ULK4: variants seen among roughly 807,000 people sequenced by gnomAD.
ULK4 encodes unc-51 like kinase 4, also known as inactive serine/threonine-protein kinase ULK4.
A neutral mutation model predicts 160.6 loss-of-function variants in ULK4; 133 were observed. The observed-to-expected ratio is 0.83, with a 90% CI of 0.72 to 0.96. ULK4 has a LOEUF of 0.96. ULK4 is among the 40% of genes least tolerant of loss of function. The pLI, the probability that ULK4 is intolerant of heterozygous loss-of-function variation, is 0.00. For synonymous variants in ULK4, 534 were observed against 539.8 expected, an observed-to-expected ratio of 0.99 and a Z score of 0.15; for missense variants, 1,580 against 1,499.5, an observed-to-expected ratio of 1.05 and a Z score of -0.89.
chr3:41,640,670 G>C (rs77630002), intron 30 of ULK4, among the ~76,000 whole-genome samples: 1 of 152,060 alleles, frequency 6.6e-6, no homozygotes, highest in South Asian at 2.1e-4. Context: ...ATAAAATATG[G>C]CCAAAGGCAT....
chr3:41,483,125 T>C (rs2084385913), intron 32 of ULK4, among the ~76,000 whole-genome samples: 1 of 152,216 alleles, frequency 6.6e-6, no homozygotes, highest in South Asian at 2.1e-4. Context: ...TTCTCTTTTT[T>C]TTGTACCTGT....
chr3:41,624,285 C>T (rs1198573057), intron 30 of ULK4, among the ~76,000 whole-genome samples: 1 of 152,182 alleles, frequency 6.6e-6, no homozygotes, highest in Non-Finnish European at 1.5e-5. Context: ...AATAACCAAG[C>T]ACATACATCT....
At chr3:41,318,159 A>G (rs1304347481) in intron 35 of ULK4, among the ~76,000 whole-genome samples, 1 of 152,236 alleles carries the variant, frequency 6.6e-6, no homozygotes, top group Non-Finnish European at 1.5e-5. Context: ...AAGATAGAAA[A>G]AATGACTTTC....
chr3:41,647,848 C>T (rs1397199797), intron 30 of ULK4, among the ~76,000 whole-genome samples: 1 of 152,228 alleles, frequency 6.6e-6, no homozygotes, highest in Non-Finnish European at 1.5e-5. Flanking sequence ...GTGGGCTCCA[C>T]CCAGTTTGAG....
chr3:41,463,032 G>A, intron 33 of ULK4, 55 bp downstream of exon 33: 1 of 1,555,964 alleles, frequency 6.4e-7, no homozygotes, highest in Non-Finnish European at 8.8e-7. Flanking sequence ...GAGAATGAAA[G>A]GGAAGCATGA....
chr3:41,641,579 T>C lies in ULK4; in HGVS notation c.3071+22028A>G, dbSNP rs545446910. Among the ~76,000 whole-genome samples, 127 of 152,192 alleles carry C rather than the reference T, an allele frequency of 8.3e-4. 1 individual carries two copies. The highest frequency in any genetic ancestry group is 2.9e-3 in the African/African-American group (122 of 41,516). On this transcript the variant is annotated intron_variant, in intron 30 of 36. Transcript: ENST00000301831. ...AGGCAGAATGATAATGTGTCTGTAG[T>C]CACAGCTAAAACTTTTAAATCATAA...
chr3:41,264,159 C>T (rs983503402), intron 35 of ULK4, among the ~76,000 whole-genome samples: 14 of 152,056 alleles, frequency 9.2e-5, no homozygotes, highest in African/African-American at 2.7e-4. Context: ...ATAGCAGCAA[C>T]CATGAAGGCC....
chr3:41,667,984 GAGAAAA>G (rs2035404855), intron 29 of ULK4, among the ~76,000 whole-genome samples: 1 of 152,172 alleles, frequency 6.6e-6, no homozygotes, highest in African/African-American at 2.4e-5. Flanking sequence ...GGTTATCTGG[GAGAAAA>G]CTGAAACTCG....
intron 22 of ULK4, among the ~76,000 whole-genome samples, chr3:41,724,942 T>C (rs1168696591): frequency 6.6e-6 from 1 of 152,182 alleles, no homozygotes; most frequent in Non-Finnish European, 1.5e-5. Context: ...AGTCTTGTGC[T>C]CATTTTTCTA....
At chr3:41,618,913 T>TA (rs1195179805) in intron 30 of ULK4, among the ~76,000 whole-genome samples, 1 of 147,062 alleles carries the variant, frequency 6.8e-6, no homozygotes, top group African/African-American at 2.5e-5. Flanking sequence ...GGCCTCAAAA[T>TA]AAAGGGATGG....
intron 32 of ULK4, among the ~76,000 whole-genome samples, chr3:41,541,587 G>C (rs971861978): frequency 2.0e-5 from 3 of 152,070 alleles, no homozygotes; most frequent in African/African-American, 7.2e-5. Flanking sequence ...AGCTTGATGG[G>C]GATAGCATTG....
intron 35 of ULK4, among the ~76,000 whole-genome samples, chr3:41,309,131 CTT>C (rs2080001554): frequency 6.6e-6 from 1 of 151,978 alleles, no homozygotes; most frequent in African/African-American, 2.4e-5. Flanking sequence ...TGATTAATAA[CTT>C]TCATACTTTC....
intron 35 of ULK4, among the ~76,000 whole-genome samples, chr3:41,380,286 G>C (rs1017328850): frequency 6.6e-6 from 1 of 152,146 alleles, no homozygotes; most frequent in African/African-American, 2.4e-5. Flanking sequence ...TTTACAAAAA[G>C]AGACTCATTT....
intron 31 of ULK4, among the ~76,000 whole-genome samples, chr3:41,568,517 C>T (rs1357642945): frequency 1.3e-5 from 2 of 152,162 alleles, no homozygotes; most frequent in Admixed American, 1.3e-4. Context: ...ACCTTGTCTA[C>T]CCATTTTATT....
chr3:41,492,942 A>C (rs1242125231), intron 32 of ULK4, among the ~76,000 whole-genome samples: 5 of 143,888 alleles, frequency 3.5e-5, no homozygotes, highest in Admixed American at 7.1e-5. Flanking sequence ...TCCTGAGTGA[A>C]CTACAAAGAG....
chr3:41,953,285 C>CACATACATAT (rs374288098), intron 2 of ULK4, among the ~76,000 whole-genome samples: 1 of 85,942 alleles, frequency 1.2e-5, no homozygotes, highest in Non-Finnish European at 2.4e-5. Context: ...CATATATACA[C>CACATACATAT]ATATATATAT....
intron 15 of ULK4, among the ~76,000 whole-genome samples, chr3:41,896,483 A>T (rs1698162441): frequency 6.6e-6 from 1 of 152,060 alleles, no homozygotes; most frequent in African/African-American, 2.4e-5. Flanking sequence ...CGAACTCCTG[A>T]CCTCAGGTGA....
At chr3:41,707,326 G>A (rs563895559) in intron 25 of ULK4, among the ~76,000 whole-genome samples, 15 of 152,002 alleles carry the variant, frequency 9.9e-5, no homozygotes, top group African/African-American at 3.6e-4. Flanking sequence ...TTTTTAGATC[G>A]GACCCAAACA....
intron 30 of ULK4, among the ~76,000 whole-genome samples, chr3:41,623,158 T>C (rs931126251): frequency 1.3e-5 from 2 of 152,240 alleles, no homozygotes; most frequent in East Asian, 1.9e-4. Context: ...ATGTGTAGTT[T>C]GTCTATTTCA....
Sources: gnomAD v4.1 joint callset for allele counts (sites outside exome capture counted in the v4.1 genomes callset) on GRCh38, gnomAD v4.1.1 for gene constraint, MANE v1.5 for transcripts, NCBI Gene and HGNC (gene_info 2026-07-23, HGNC 2026-07-21) for gene names.